The following PRDM11 variants were observed in gnomAD, a reference collection of about 807,000 sequenced individuals.
PRDM11 encodes the protein PR domain-containing protein 11.
PRDM11 carries 20 observed loss-of-function variants against 97.8 expected under a neutral mutation model. That is an observed-to-expected ratio of 0.20 (90% CI 0.14 to 0.30). The LOEUF (loss-of-function observed/expected upper bound fraction) is 0.30. Ranked by LOEUF, PRDM11 falls within the 10% of genes least tolerant of loss-of-function variation. The pLI is 1.00. For synonymous variants in PRDM11, 599 were observed against 637.7 expected (o/e 0.94, Z 0.91); for missense variants, 1,139 against 1,555.2 (o/e 0.73, Z 4.50).
upstream of PRDM11, chr11:45,095,671 C>A (rs142962848): frequency 1.3e-4 from 79 of 628,800 alleles, 2 homozygotes; most frequent in East Asian, 2.0e-3. Flanking sequence ...ACTGCAACCC[C>A]TGGGACATGT....
chr11:45,213,654 C>A (rs1256194158), intron 5 of PRDM11: 1 of 456,362 alleles, frequency 2.2e-6, no homozygotes, highest in Non-Finnish European at 4.4e-6. Flanking sequence ...TCATAGAGAG[C>A]ACTTTATGCT....
intron 5 of PRDM11, among the ~76,000 whole-genome samples, chr11:45,207,166 C>T (rs1001725864): frequency 4.6e-5 from 7 of 152,160 alleles, no homozygotes; most frequent in Admixed American, 3.9e-4. Flanking sequence ...GTTGGAGTGA[C>T]GGGAAAGCTG....
intron 4 of PRDM11, among the ~76,000 whole-genome samples, chr11:45,195,886 C>T (rs966799138): frequency 1.5e-4 from 23 of 152,280 alleles, no homozygotes; most frequent in African/African-American, 5.1e-4. Flanking sequence ...GTATCATTCC[C>T]TTTTATGGCC....
At chr11:45,202,340 C>T (rs539743604) in intron 4 of PRDM11, among the ~76,000 whole-genome samples, 2 of 152,126 alleles carry the variant, frequency 1.3e-5, no homozygotes, top group Non-Finnish European at 2.9e-5. Flanking sequence ...GCAATTAGGG[C>T]TCTTAAGGGA....
intron 1 of PRDM11, among the ~76,000 whole-genome samples, chr11:45,124,956 A>G (rs1852529575): frequency 1.3e-5 from 2 of 152,280 alleles, no homozygotes; most frequent in South Asian, 4.2e-4. Context: ...TTGGCTGTGA[A>G]TCCATCTGGT....
At chr11:45,177,278 C>T (rs1378847901) in intron 1 of PRDM11, among the ~76,000 whole-genome samples, 1 of 152,384 alleles carries the variant, frequency 6.6e-6, no homozygotes, top group African/African-American at 2.4e-5. Context: ...CAAGCCTAAT[C>T]TCTGCATGTG....
Position 45,201,442 on chromosome 11 carries a change from C to T in PRDM11, c.487-3269C>T, listed in dbSNP as rs140591494. ...ATAATTTTTTCTTCTTTCTTCCTTCCTGCCTTCCTTCCTTTCTTGTTTCTT... is the reference window on the plus strand; with the variant it reads ...ATAATTTTTTCTTCTTTCTTCCTTCTTGCCTTCCTTCCTTTCTTGTTTCTT... On this transcript the variant is annotated intron_variant, in intron 4 of 7. Transcript: ENST00000683152. Among the ~76,000 whole-genome samples the T allele has an allele frequency of 2.5e-3, 375 of 152,058 alleles. 2 individuals carry two copies. The highest frequency in any genetic ancestry group is 8.7e-3 in the African/African-American group (361 of 41,470).
chr11:45,224,265 C>G lies in PRDM11; in HGVS notation c.791C>G (p.Pro264Arg), dbSNP rs776353895. The G allele has an allele frequency of 6.2e-7, 1 of 1,612,632 alleles. No individual in the cohort carries two copies. The highest frequency in any genetic ancestry group is 8.5e-7 in the Non-Finnish European group (1 of 1,179,466). ...REKSEQVLDN[P>R]EDLRGPIHLS... Reference sequence around the variant, plus strand: ...AAGTCTGAGCAGGTTCTGGATAACCCAGAAGACCTGAGGGGTCCCATTCAT... The same window carrying G: ...AAGTCTGAGCAGGTTCTGGATAACCGAGAAGACCTGAGGGGTCCCATTCAT... Residue 264 changes from proline to arginine, a missense_variant, in exon 7 of 8, where the codon CCA (proline) becomes CGA (arginine). Physicochemically the swap from Pro to Arg is moderately radical, Grantham distance 103. Around this residue, in one of 2 missense-constraint regions of PRDM11, gnomAD observed 429 missense variants for 510.3 expected, o/e 0.84. Coordinates refer to ENST00000683152, the MANE Select transcript of PRDM11 (RefSeq NM_001384648.1).
At chr11:45,149,568 G>A (rs2863155) in intron 1 of PRDM11, among the ~76,000 whole-genome samples, 50,006 of 152,120 alleles carry the variant, frequency 0.33, 9,101 homozygotes, top group African/African-American at 0.47. Flanking sequence ...CTCTACCTGC[G>A]CTTGGGTGGG....
chr11:45,117,949 T>C (rs1741841164), intron 1 of PRDM11, among the ~76,000 whole-genome samples: 3 of 152,164 alleles, frequency 2.0e-5, no homozygotes, highest in Admixed American at 1.3e-4. Flanking sequence ...GTTGACAATA[T>C]ATATACTTGA....
Position 45,232,191 on chromosome 11 carries a change from G to C in PRDM11, c.*4032G>C, listed in dbSNP as rs1044990369. Reference sequence around the variant, plus strand: ...CAACAGGGGGGAAAGCATGCAGAAGGCTGGAAACAATAGCTGAGACCCTAC... The same window carrying C: ...CAACAGGGGGGAAAGCATGCAGAAGCCTGGAAACAATAGCTGAGACCCTAC... On this transcript the variant is annotated 3_prime_UTR_variant, in exon 8 of 8. Coordinates refer to ENST00000683152, the MANE Select transcript of PRDM11 (RefSeq NM_001384648.1). 4 of 152,144 alleles carry C rather than the reference G, an allele frequency of 2.6e-5. No individual in the cohort carries two copies. The highest frequency in any genetic ancestry group is 5.9e-5 in the Non-Finnish European group (4 of 68,028). 9.4% of individuals were successfully genotyped at this position (152,144 alleles called of 1,614,324 possible). A position where few individuals can be genotyped will look rare whatever the true frequency, so the allele number is the denominator to read the frequency against.
intron 1 of PRDM11, among the ~76,000 whole-genome samples, chr11:45,097,781 T>C (rs1464205960): frequency 1.3e-5 from 2 of 152,194 alleles, no homozygotes; most frequent in African/African-American, 2.4e-5. Flanking sequence ...CCACAGGCTG[T>C]GTTCCACTCT....
At chr11:45,146,979 G>A (rs996129750) in intron 1 of PRDM11, 102 bp downstream of exon 1, 5 of 145,994 alleles carry the variant, frequency 3.4e-5, no homozygotes, top group African/African-American at 4.9e-5. Context: ...GGGGCCGGGA[G>A]CGGCGGCTGG....
chr11:45,168,892 G>GCCTGAC (rs1302712075), intron 1 of PRDM11, among the ~76,000 whole-genome samples: 1 of 152,236 alleles, frequency 6.6e-6, no homozygotes, highest in East Asian at 1.9e-4. Context: ...ACTCCTGGCA[G>GCCTGAC]CCTGACCCTG....
At chr11:45,108,419 C>T (rs1260567211) in intron 1 of PRDM11, among the ~76,000 whole-genome samples, 2 of 152,194 alleles carry the variant, frequency 1.3e-5, no homozygotes, top group Admixed American at 1.3e-4. Context: ...CCATGAGCTT[C>T]TGGGGTTAAA....
At chr11:45,161,611 A>C (rs1851929508) in intron 1 of PRDM11, among the ~76,000 whole-genome samples, 1 of 152,238 alleles carries the variant, frequency 6.6e-6, no homozygotes, top group Non-Finnish European at 1.5e-5. Context: ...AGAAGAAAGC[A>C]GTCTGGGGCC....
chr11:45,116,426 G>A (rs1022793011), intron 1 of PRDM11, among the ~76,000 whole-genome samples: 6 of 152,104 alleles, frequency 3.9e-5, no homozygotes, highest in Non-Finnish European at 5.9e-5. Context: ...TCAAAAGATT[G>A]AAACTTTACA....
intron 1 of PRDM11, among the ~76,000 whole-genome samples, chr11:45,119,724 G>A (rs957955751): frequency 1.3e-5 from 2 of 149,228 alleles, no homozygotes; most frequent in Non-Finnish European, 3.0e-5. Context: ...CTGTAATGCA[G>A]CCACAAGATT....
At chr11:45,174,914 T>C (rs1178429500) in intron 1 of PRDM11, among the ~76,000 whole-genome samples, 1 of 152,216 alleles carries the variant, frequency 6.6e-6, no homozygotes, top group Non-Finnish European at 1.5e-5. Context: ...CTGTGTAGTG[T>C]GGGAAATTAA....
Sources: gnomAD v4.1 joint callset for allele counts (sites outside exome capture counted in the v4.1 genomes callset) on GRCh38, gnomAD v4.1.1 for gene constraint, gnomAD v4.1.1 regional missense constraint, MANE v1.5 for transcripts, NCBI Gene and HGNC (gene_info 2026-07-23, HGNC 2026-07-21) for gene names.